The following SLIT2 variants were observed in gnomAD, a reference collection of about 807,000 sequenced individuals.
SLIT2 encodes slit homolog 2 protein.
A neutral mutation model predicts 185.7 loss-of-function variants in SLIT2; 41 were observed. That is an observed-to-expected ratio of 0.22 (90% CI 0.17 to 0.29). The LOEUF is 0.29. SLIT2 is among the 10% of genes least tolerant of loss of function. SLIT2 has a pLI of 1.00. For synonymous variants in SLIT2, 693 were observed against 680.2 expected, an observed-to-expected ratio of 1.02 and a Z score of -0.29; for missense variants, 1,571 against 1,909.0, an observed-to-expected ratio of 0.82 and a Z score of 3.30.
intron 21 of SLIT2, among the ~76,000 whole-genome samples, chr4:20,545,135 C>A (rs1409892606): frequency 6.6e-6 from 1 of 151,950 alleles, no homozygotes; most frequent in Admixed American, 6.6e-5. Context: ...CAACTTCAAC[C>A]TGGAATCTTG....
At chr4:20,267,558 CAA>C (rs142689296) in intron 3 of SLIT2, among the ~76,000 whole-genome samples, 3 of 151,196 alleles carry the variant, frequency 2.0e-5, no homozygotes, top group Non-Finnish European at 4.4e-5. Flanking sequence ...TATCATTTTC[CAA>C]AAAAAATTCA....
At chr4:20,276,614 T>A (rs959838186) in intron 4 of SLIT2, among the ~76,000 whole-genome samples, 3 of 133,966 alleles carry the variant, frequency 2.2e-5, no homozygotes, top group African/African-American at 8.3e-5. Flanking sequence ...AAACAAAAAC[T>A]TAAAAGAGAA....
rs746932048 is a variant in SLIT2, at chr4:20,596,704, T to A, written c.3561+49T>A. 3.2e-6 allele frequency: 5 copies of A among 1,564,572 alleles called. No homozygotes were observed. The African/African-American group carries it at 6.8e-5, about 21-fold the overall frequency. ...AGATGATCGGATCTTAAAATTCAGC[T>A]TCAGAGAATAAACATTTGTGGTAGC... On this transcript the variant is annotated intron_variant, in intron 32 of 36. Transcript: ENST00000504154.
intron 12 of SLIT2, 62 bp downstream of exon 12, chr4:20,519,515 C>A: frequency 9.8e-7 from 1 of 1,019,278 alleles, no homozygotes; most frequent in South Asian, 1.4e-5. Flanking sequence ...ATTTTGTTGT[C>A]TCATATTTTT....
chr4:20,353,727 A>G (rs1476315508), intron 4 of SLIT2, among the ~76,000 whole-genome samples: 1 of 152,126 alleles, frequency 6.6e-6, no homozygotes, highest in Non-Finnish European at 1.5e-5. Context: ...CTGGTTTCCT[A>G]TTTCCCACTC....
intron 4 of SLIT2, among the ~76,000 whole-genome samples, chr4:20,322,463 T>G (rs1719181961): frequency 6.6e-6 from 1 of 152,076 alleles, no homozygotes; most frequent in Non-Finnish European, 1.5e-5. Context: ...GCCCCCAAAT[T>G]TATTTTCCTT....
chr4:20,423,844 A>G (rs977548153), intron 4 of SLIT2, among the ~76,000 whole-genome samples: 5 of 152,174 alleles, frequency 3.3e-5, no homozygotes, highest in Admixed American at 3.3e-4. Flanking sequence ...TTATGAGTTC[A>G]TTTAAATGTT....
At position 20,528,340 on chromosome 4, in the gene SLIT2, A is replaced by G. The variant is rs773783928; in HGVS notation, c.1463-609A>G. On this transcript the variant is annotated intron_variant, in intron 15 of 36. Coordinates refer to ENST00000504154, the MANE Select transcript of SLIT2 (RefSeq NM_004787.4). The surrounding 1 kb of genome is among the most constrained non-coding windows in gnomAD (Gnocchi z 4.2). ...CATGTGGTTGCGAGGTATGAGTAAA[A>G]CATGGTTCCGTCAAGCACCATGGAA... The G allele has an allele frequency of 1.7e-5, 9 of 534,572 alleles. No homozygotes were observed. In the Admixed American group the frequency reaches 1.7e-4, roughly 10 times the overall value. The allele number at this position is 534,572 out of a possible 1,614,324, so 33.1% of individuals were successfully genotyped here.
intron 4 of SLIT2, among the ~76,000 whole-genome samples, chr4:20,439,456 T>C (rs781695451): frequency 3.3e-5 from 5 of 152,194 alleles, no homozygotes; most frequent in Non-Finnish European, 7.3e-5. Context: ...CCTTGGCTCA[T>C]AGAAAAATAA....
At chr4:20,485,955 T>A (rs1717195295) in intron 6 of SLIT2, among the ~76,000 whole-genome samples, 1 of 152,172 alleles carries the variant, frequency 6.6e-6, no homozygotes, top group South Asian at 2.1e-4. Flanking sequence ...ATGTAAATAG[T>A]CAAACATGCT....
Position 20,511,587 on chromosome 4 carries a change from A to ATTTTTTTTTT in SLIT2, c.1058+457_1058+466dup, listed in dbSNP as rs759622666. 1.3e-3 allele frequency among the ~76,000 whole-genome samples: 104 copies of ATTTTTTTTTT among 82,148 alleles called. 5 individuals carry two copies. Among genetic ancestry groups the ATTTTTTTTTT allele is most frequent in the Non-Finnish European group, 1.3e-3 (61 of 45,222 alleles). The allele number at this position is 82,148 out of a possible 152,430, so 53.9% of individuals were successfully genotyped here. A position where few individuals can be genotyped will look rare whatever the true frequency, so the allele number is the denominator to read the frequency against. On this transcript the variant is annotated intron_variant, in intron 11 of 36. Coordinates refer to ENST00000504154, the MANE Select transcript of SLIT2 (RefSeq NM_004787.4). ...AGGCGCCTGCCACCACATCCAGCTA[A>ATTTTTTTTTT]TTTTTTTTTTTTTTTTATTTTTGGT...
rs576915758 is a variant in SLIT2 at position 20,528,992 on chromosome 4, G to A, written c.1506G>A (p.Ala502=). 1.1e-5 allele frequency: 17 copies of A among 1,613,754 alleles called. No individual in the cohort carries two copies. Among genetic ancestry groups the A allele is most frequent in the Middle Eastern group, 1.6e-4 (1 of 6,062 alleles). ...YRSKLSGDCF[A]DLACPEKCRC... ...CAAAATTAAGTGGAGACTGCTTTGC[G>A]GATCTGGCTTGCCCTGAAAAGTGTC... Residue 502 remains alanine (A), a synonymous_variant, in exon 16 of 37, where the codon GCG becomes GCA. Coordinates refer to ENST00000504154, the MANE Select transcript of SLIT2 (RefSeq NM_004787.4). The surrounding 1 kb of genome is among the most constrained non-coding windows in gnomAD (Gnocchi z 4.2).
At chr4:20,284,166 A>G (rs6447953) in intron 4 of SLIT2, among the ~76,000 whole-genome samples, 51,544 of 151,944 alleles carry the variant, frequency 0.34, 9,868 homozygotes, top group East Asian at 0.81. Context: ...TGCCTGGAGA[A>G]TGGGGCCCCT....
At chr4:20,383,440 G>A (rs1724688958) in intron 4 of SLIT2, among the ~76,000 whole-genome samples, 1 of 151,916 alleles carries the variant, frequency 6.6e-6, no homozygotes, top group Non-Finnish European at 1.5e-5. Context: ...TCACCAAAGG[G>A]GATACAAACA....
chr4:20,321,248 C>T lies in SLIT2; in HGVS notation c.395+52367C>T, dbSNP rs548254167. On this transcript the variant is annotated intron_variant, in intron 4 of 36. Transcript: ENST00000504154. ...TGATCCCAAATTTCTCCAAAGAAGC[C>T]CAGGCTACACATCACTCAGTCATTG... Among the ~76,000 whole-genome samples the T allele has an allele frequency of 2.0e-5, 3 of 152,260 alleles. No individual in the cohort carries two copies. In the South Asian group the frequency reaches 6.2e-4, roughly 32 times the overall value.
intron 8 of SLIT2, among the ~76,000 whole-genome samples, chr4:20,491,373 A>C (rs1376225820): frequency 6.6e-6 from 1 of 152,188 alleles, no homozygotes; most frequent in Non-Finnish European, 1.5e-5. Context: ...ATAAAGCTGC[A>C]TGAATTTGAT....
At chr4:20,380,202 G>A (rs1724378537) in intron 4 of SLIT2, among the ~76,000 whole-genome samples, 1 of 152,162 alleles carries the variant, frequency 6.6e-6, no homozygotes, top group Admixed American at 6.6e-5. Flanking sequence ...CAGTAGTATG[G>A]TCAAATTAGT....
chr4:20,328,509 T>G (rs1262353346), intron 4 of SLIT2, among the ~76,000 whole-genome samples: 2 of 152,124 alleles, frequency 1.3e-5, no homozygotes, highest in African/African-American at 4.8e-5. Context: ...TGTTTGTAGA[T>G]TTTCTAATTT....
intron 15 of SLIT2, among the ~76,000 whole-genome samples, chr4:20,526,408 G>A (rs1721302885): frequency 1.3e-5 from 2 of 152,154 alleles, no homozygotes; most frequent in South Asian, 4.2e-4. Flanking sequence ...ACCCAATTAA[G>A]TGGAAAGTAA....
Sources: gnomAD v4.1 joint callset for allele counts (sites outside exome capture counted in the v4.1 genomes callset) on GRCh38, gnomAD v4.1.1 for gene constraint, Gnocchi (gnomAD v3.1) non-coding constraint, MANE v1.5 for transcripts, NCBI Gene and HGNC (gene_info 2026-07-23, HGNC 2026-07-21) for gene names.